The following FRYL variants were observed in gnomAD, a reference collection of about 807,000 sequenced individuals.
FRYL encodes the protein FRY like transcription coactivator.
A neutral mutation model predicts 351.2 loss-of-function variants in FRYL; 150 were observed. That is an observed-to-expected ratio of 0.43 (90% CI 0.37 to 0.49). FRYL has a LOEUF of 0.49. FRYL is among the 20% of genes least tolerant of loss of function. The pLI, the probability that FRYL is intolerant of heterozygous loss-of-function variation, is 0.00. For synonymous variants in FRYL, 1,153 were observed against 1,257.1 expected, an observed-to-expected ratio of 0.92 and a Z score of 1.75; for missense variants, 3,036 against 3,619.3, an observed-to-expected ratio of 0.84 and a Z score of 4.13.
intron 2 of FRYL, among the ~76,000 whole-genome samples, chr4:48,710,065 A>G (rs1767833928): frequency 6.6e-6 from 1 of 152,200 alleles, no homozygotes. Flanking sequence ...ATGCTTCCAA[A>G]AAAAAGTCAG....
chr4:48,626,576 C>CTA (rs1161404178), intron 4 of FRYL, among the ~76,000 whole-genome samples: 2 of 151,938 alleles, frequency 1.3e-5, no homozygotes, highest in Non-Finnish European at 2.9e-5. Context: ...CCCTAACTTA[C>CTA]TATATATATT....
At chr4:48,611,669 TA>T (rs1171090251) in intron 7 of FRYL, among the ~76,000 whole-genome samples, 1 of 152,192 alleles carries the variant, frequency 6.6e-6, no homozygotes, top group Non-Finnish European at 1.5e-5. Context: ...TCAAGTTCTA[TA>T]AAAACTGTTA....
chr4:48,572,031 C>T (rs1738438584), intron 26 of FRYL: 1 of 975,588 alleles, frequency 1.0e-6, no homozygotes, highest in Admixed American at 6.2e-5. Flanking sequence ...GGAATACTAT[C>T]ATGACCCTAC....
intron 47 of FRYL, among the ~76,000 whole-genome samples, chr4:48,538,529 T>C (rs1578007114): frequency 6.6e-6 from 1 of 152,166 alleles, no homozygotes; most frequent in Non-Finnish European, 1.5e-5. Flanking sequence ...TGGAGATAAA[T>C]GTGTACTTAG....
In FRYL at chr4:48,581,497, G is replaced by T. The variant is rs373325904; in HGVS notation, c.2095C>A (p.Arg699=). 2.5e-6 allele frequency: 4 copies of T among 1,613,762 alleles called. No individual in the cohort carries two copies. In the African/African-American group the frequency reaches 4.0e-5, roughly 16 times the overall value. ...GFALVILCSS[R]PATRRLAVSV... ...ACGGCTAGTCTCCTAGTGGCAGGTC[G>T]ACTGCTACAGAGAATGACAAGCGCA... The change falls in exon 21 of 64, where the codon CGA becomes AGA. Residue 699 remains arginine, a synonymous_variant. Coordinates refer to ENST00000358350, the MANE Select transcript of FRYL (RefSeq NM_015030.2).
At chr4:48,685,011 A>AC (rs1259857418) in intron 2 of FRYL, among the ~76,000 whole-genome samples, 2 of 151,922 alleles carry the variant, frequency 1.3e-5, no homozygotes, top group Non-Finnish European at 2.9e-5. Flanking sequence ...AGTATCATGA[A>AC]CCCCCCACCA....
At chr4:48,590,592 G>C in intron 17 of FRYL, 67 bp downstream of exon 17, 1 of 1,179,964 alleles carries the variant, frequency 8.5e-7, no homozygotes, top group Non-Finnish European at 1.2e-6. Context: ...TTTTATATTT[G>C]ATCAGACTTT....
intron 1 of FRYL, among the ~76,000 whole-genome samples, chr4:48,719,777 C>T (rs1769256001): frequency 6.6e-6 from 1 of 151,574 alleles, no homozygotes; most frequent in African/African-American, 2.4e-5. Context: ...CTGATTTTGT[C>T]AGGAACAACT....
chr4:48,682,793 A>C (rs1424557237), intron 3 of FRYL, among the ~76,000 whole-genome samples: 2 of 152,198 alleles, frequency 1.3e-5, no homozygotes, highest in Admixed American at 6.5e-5. Flanking sequence ...GATATAGAGA[A>C]ATAGAAATGC....
chr4:48,564,561 AGGAATGATTAAAT>A (rs1490392738), intron 30 of FRYL, among the ~76,000 whole-genome samples: 1 of 152,206 alleles, frequency 6.6e-6, no homozygotes, highest in Middle Eastern at 3.2e-3. Context: ...GAGGGCAAGG[AGGAATGATTAAAT>A]GGAAAGTGGT....
chr4:48,738,024 G>A (rs1771634020), intron 1 of FRYL, among the ~76,000 whole-genome samples: 2 of 152,152 alleles, frequency 1.3e-5, no homozygotes, highest in Non-Finnish European at 2.9e-5. Context: ...GAAACTAGGA[G>A]CTTTCCCACT....
At position 48,510,164 on chromosome 4, in the gene FRYL, A is replaced by T. The variant is rs1722167157; in HGVS notation, c.8296-7T>A. The stretch of plus-strand genomic sequence containing the variant: ...GCAAACCACATGACATCAGCTGTCA[A>T]ATCAGAAGTATTGATCCAGGTTACC... On this transcript the variant is annotated splice_region_variant and splice_polypyrimidine_tract_variant and intron_variant, in intron 58 of 63. Coordinates refer to ENST00000358350, the MANE Select transcript of FRYL (RefSeq NM_015030.2). 1.2e-6 allele frequency: 2 copies of T among 1,602,820 alleles called. No individual in the cohort carries two copies. The highest frequency in any genetic ancestry group is 2.7e-5 in the African/African-American group (2 of 74,666).
At position 48,565,512 on chromosome 4, in the gene FRYL, C is replaced by A. The variant is rs1230551589; in HGVS notation, c.3330+19G>T. On this transcript the variant is annotated intron_variant, in intron 29 of 63. Coordinates refer to ENST00000358350, the MANE Select transcript of FRYL (RefSeq NM_015030.2). ...ACTCTGCTCTTAAGAAAAAAGAAAT[C>A]AGGTTTCTAAGTAAATACCTTTAAC... 4.6e-6 allele frequency: 7 copies of A among 1,517,512 alleles called. No individual in the cohort carries two copies. Among genetic ancestry groups the A allele is most frequent in the South Asian group, 1.3e-5 (1 of 74,308 alleles). 94.0% of individuals were successfully genotyped at this position (1,517,512 alleles called of 1,614,324 possible). A position where few individuals can be genotyped will look rare whatever the true frequency, so the allele number is the denominator to read the frequency against.
chr4:48,553,175 T>A, intron 36 of FRYL, 40 bp downstream of exon 36: 1 of 1,536,436 alleles, frequency 6.5e-7, no homozygotes, highest in South Asian at 1.2e-5. Context: ...TGAAGATGTC[T>A]ATCATCTCAC....
intron 24 of FRYL, among the ~76,000 whole-genome samples, chr4:48,575,813 G>T (rs904378093): frequency 6.6e-6 from 1 of 152,156 alleles, no homozygotes; most frequent in Non-Finnish European, 1.5e-5. Context: ...ATGAGCACGG[G>T]TCTTTCTTTC....
chr4:48,712,986 A>AT (rs1483865379), intron 1 of FRYL, among the ~76,000 whole-genome samples: 6 of 152,326 alleles, frequency 3.9e-5, no homozygotes, highest in Middle Eastern at 3.4e-3. Flanking sequence ...ACTAAGCTTC[A>AT]TAAGTGAAGG....
intron 3 of FRYL, among the ~76,000 whole-genome samples, chr4:48,661,973 G>GA (rs1257916142): frequency 2.0e-5 from 3 of 152,080 alleles, no homozygotes; most frequent in Non-Finnish European, 2.9e-5. Flanking sequence ...TGCTGCCAAA[G>GA]AAAAAATCAG....
intron 19 of FRYL, 41 bp downstream of exon 19, chr4:48,586,580 G>A: frequency 7.7e-7 from 1 of 1,291,934 alleles, no homozygotes; most frequent in Non-Finnish European, 1.1e-6. Context: ...TAAAGGAGCA[G>A]AAGACATAAA....
intron 1 of FRYL, among the ~76,000 whole-genome samples, chr4:48,722,870 T>C (rs1230547849): frequency 6.6e-6 from 1 of 151,904 alleles, no homozygotes; most frequent in Non-Finnish European, 1.5e-5. Context: ...AGGAGAAAAA[T>C]AAAAGAAAAT....
Sources: gnomAD v4.1 joint callset for allele counts (sites outside exome capture counted in the v4.1 genomes callset) on GRCh38, gnomAD v4.1.1 for gene constraint, MANE v1.5 for transcripts, NCBI Gene and HGNC (gene_info 2026-07-23, HGNC 2026-07-21) for gene names.